The following PLCB4 variants were observed in gnomAD, a reference collection of about 807,000 sequenced individuals.
PLCB4 encodes 1-phosphatidylinositol 4,5-bisphosphate phosphodiesterase beta-4.
In PLCB4, 77 loss-of-function variants were observed where a neutral mutation model predicts 178.8. That is an observed-to-expected ratio of 0.43 (90% CI 0.36 to 0.52). The LOEUF is 0.52. PLCB4 is among the 20% of genes least tolerant of loss of function. The probability of loss-of-function intolerance (pLI) is 0.00; values close to 1 mark genes in which losing one functional copy is unlikely to be tolerated. For synonymous variants in PLCB4, 496 were observed against 490.8 expected (o/e 1.01, Z -0.14); for missense variants, 1,024 against 1,453.4 (o/e 0.70, Z 4.80).
intron 3 of PLCB4, among the ~76,000 whole-genome samples, chr20:9,233,069 G>T (rs538164589): frequency 6.6e-6 from 1 of 152,118 alleles, no homozygotes; most frequent in South Asian, 2.1e-4. Context: ...ATGCCAAAAT[G>T]GAAGCAGATT....
intron 2 of PLCB4, among the ~76,000 whole-genome samples, chr20:9,138,049 A>G (rs1371099578): frequency 3.3e-5 from 5 of 152,166 alleles, no homozygotes; most frequent in African/African-American, 1.2e-4. Context: ...TCTGTCAAGA[A>G]AAGGCAGAGA....
chr20:9,402,069 C>CCT (rs1202972100), intron 20 of PLCB4, among the ~76,000 whole-genome samples: 49 of 152,214 alleles, frequency 3.2e-4, no homozygotes, highest in Non-Finnish European at 6.3e-4. Context: ...TACCTTTTGT[C>CCT]AGGCATAGTC....
intron 7 of PLCB4, among the ~76,000 whole-genome samples, chr20:9,357,906 G>A (rs1234471004): frequency 1.3e-5 from 2 of 151,684 alleles, no homozygotes; most frequent in Admixed American, 6.5e-5. Context: ...CCAAGTTGAG[G>A]GGGGCTGCTC....
intron 35 of PLCB4, among the ~76,000 whole-genome samples, chr20:9,462,974 C>T (rs1314924156): frequency 6.6e-6 from 1 of 152,148 alleles, no homozygotes; most frequent in Non-Finnish European, 1.5e-5. Flanking sequence ...GTCAGATTCA[C>T]CAAGGTTGAA....
At chr20:9,455,049 G>T (rs2042975332) in intron 33 of PLCB4, among the ~76,000 whole-genome samples, 1 of 152,164 alleles carries the variant, frequency 6.6e-6, no homozygotes, top group Non-Finnish European at 1.5e-5. Flanking sequence ...GTTTTGAGGA[G>T]CTGTGATTCT....
chr20:9,477,520 G>A (rs570359126), intron 39 of PLCB4, among the ~76,000 whole-genome samples: 4 of 152,222 alleles, frequency 2.6e-5, no homozygotes, highest in South Asian at 2.1e-4. Flanking sequence ...ACTATTTACC[G>A]AACTTGGAAG....
At chr20:9,474,942 G>A (rs1450853663) in intron 38 of PLCB4, among the ~76,000 whole-genome samples, 1 of 152,170 alleles carries the variant, frequency 6.6e-6, no homozygotes, top group Admixed American at 6.5e-5. Context: ...TCTGGTACAA[G>A]TTACCTAGCT....
intron 30 of PLCB4, among the ~76,000 whole-genome samples, chr20:9,440,163 G>A (rs758773346): frequency 9.2e-5 from 14 of 152,152 alleles, no homozygotes; most frequent in South Asian, 2.1e-4. Flanking sequence ...TTATGACAGA[G>A]TTACATCCTC....
chr20:9,353,140 A>G (rs1004941062), intron 7 of PLCB4, among the ~76,000 whole-genome samples: 1 of 152,152 alleles, frequency 6.6e-6, no homozygotes, highest in African/African-American at 2.4e-5. Flanking sequence ...GTGGGGGCAA[A>G]AGTCCTGTTG....
At chr20:9,352,725 G>A (rs1239255946) in intron 7 of PLCB4, among the ~76,000 whole-genome samples, 2 of 152,152 alleles carry the variant, frequency 1.3e-5, no homozygotes, top group East Asian at 1.9e-4. Flanking sequence ...CTCATAGATG[G>A]CAGCTTATTT....
intron 2 of PLCB4, among the ~76,000 whole-genome samples, chr20:9,133,431 C>T (rs988273509): frequency 2.6e-5 from 3 of 116,780 alleles, no homozygotes; most frequent in African/African-American, 3.6e-5. Flanking sequence ...CCATGCCCAA[C>T]AAATTTTTGC....
intron 3 of PLCB4, among the ~76,000 whole-genome samples, chr20:9,263,874 A>C (rs1394528038): frequency 6.6e-6 from 1 of 152,204 alleles, no homozygotes; most frequent in Non-Finnish European, 1.5e-5. Flanking sequence ...GAAAAGCAGT[A>C]AAGGTGTTAA....
At chr20:9,195,067 T>C (rs184277954) in intron 2 of PLCB4, among the ~76,000 whole-genome samples, 25 of 152,346 alleles carry the variant, frequency 1.6e-4, no homozygotes, top group Admixed American at 3.3e-4. Context: ...CCAATTTTAG[T>C]CTAGAAAAAT....
intron 26 of PLCB4, 115 bp downstream of exon 26, chr20:9,420,024 A>G: frequency 1.7e-6 from 1 of 573,834 alleles, no homozygotes; most frequent in Non-Finnish European, 3.0e-6. Flanking sequence ...CACAACTTTG[A>G]CTTAAGATTC....
At chr20:9,166,452 GGC>G (rs2092972388) in intron 2 of PLCB4, 1 of 152,150 alleles carries the variant, frequency 6.6e-6, no homozygotes, top group Non-Finnish European at 1.5e-5. Context: ...TGTGGCTGTG[GGC>G]ACTGTTTGCC....
intron 9 of PLCB4, among the ~76,000 whole-genome samples, chr20:9,366,165 G>A (rs956646972): frequency 6.8e-6 from 1 of 148,064 alleles, no homozygotes; most frequent in African/African-American, 2.5e-5. Context: ...CGCAGCGGGT[G>A]GATCACAGGT....
intron 2 of PLCB4, among the ~76,000 whole-genome samples, chr20:9,133,003 C>T (rs185806680): frequency 6.6e-6 from 1 of 152,236 alleles, no homozygotes; most frequent in Admixed American, 6.5e-5. Context: ...AATTAACCAG[C>T]CCAAAATGTC....
chr20:9,437,762 T>G (rs545338899), intron 30 of PLCB4, among the ~76,000 whole-genome samples: 19 of 152,288 alleles, frequency 1.2e-4, no homozygotes, highest in African/African-American at 4.6e-4. Flanking sequence ...AAGGAGTATT[T>G]GAAGAAAATT....
chr20:9,223,926 A>G (rs747653892), intron 3 of PLCB4, among the ~76,000 whole-genome samples: 1 of 152,184 alleles, frequency 6.6e-6, no homozygotes, highest in Non-Finnish European at 1.5e-5. Context: ...AGCTAGACAA[A>G]AGGATGCTTC....
Sources: allele counts gnomAD v4.1 joint callset (sites outside exome capture counted in the v4.1 genomes callset), GRCh38; gene constraint gnomAD v4.1.1; transcripts MANE v1.5; gene names NCBI Gene and HGNC (gene_info 2026-07-23, HGNC 2026-07-21).